IL1RAPL2: variants seen among roughly 807,000 people sequenced by gnomAD.
IL1RAPL2 encodes X-linked interleukin-1 receptor accessory protein-like 2.
Under a neutral mutation model 44.1 loss-of-function variants are expected in IL1RAPL2, and 3 were observed. That is an observed-to-expected ratio of 0.07 (90% confidence interval 0.03 to 0.18). The LOEUF (loss-of-function observed/expected upper bound fraction) is 0.18, where lower values mean the gene tolerates loss of function less well. Ranked by LOEUF, IL1RAPL2 falls within the 10% of genes least tolerant of loss-of-function variation. The pLI is 1.00. For missense variants in IL1RAPL2, 391 were observed against 496.4 expected, an observed-to-expected ratio of 0.79 and a Z score of 2.02; for synonymous variants, 181 against 178.8, an observed-to-expected ratio of 1.01 and a Z score of -0.10.
At chrX:105,560,183 T>C (rs191741838) in intron 6 of IL1RAPL2, among the ~76,000 whole-genome samples, 26 of 112,001 alleles carry the variant, frequency 2.3e-4, no homozygotes, top group Admixed American at 2.3e-3. Flanking sequence ...AGATCTTTAC[T>C]ACACCTTTAA....
intron 2 of IL1RAPL2, among the ~76,000 whole-genome samples, chrX:105,183,280 C>G (rs1337041835): frequency 9.0e-6 from 1 of 111,313 alleles, no homozygotes; most frequent in African/African-American, 3.3e-5. Context: ...TGGAGCAACT[C>G]CAAGCCAGTG....
At chrX:105,567,995 C>A (rs1427537839) in intron 6 of IL1RAPL2, among the ~76,000 whole-genome samples, 1 of 110,821 alleles carries the variant, frequency 9.0e-6, no homozygotes, top group Non-Finnish European at 1.9e-5. Flanking sequence ...ACAAAGGGTA[C>A]CTTCTGCCAC....
chrX:104,660,594 C>G (rs371627076), intron 2 of IL1RAPL2, among the ~76,000 whole-genome samples: 1 of 79,378 alleles, frequency 1.3e-5, no homozygotes, highest in Non-Finnish European at 2.5e-5. Context: ...TATATATATA[C>G]ACACAAATAT....
intron 2 of IL1RAPL2, among the ~76,000 whole-genome samples, chrX:105,031,797 T>G (rs2031503452): frequency 9.0e-6 from 1 of 110,759 alleles, no homozygotes; most frequent in Admixed American, 9.5e-5. Context: ...TTCAATTGAT[T>G]GGAATAGTTT....
At chrX:104,950,320 C>CCGTT (rs1291274464) in intron 2 of IL1RAPL2, among the ~76,000 whole-genome samples, 1 of 112,326 alleles carries the variant, frequency 8.9e-6, no homozygotes, top group East Asian at 2.8e-4. Flanking sequence ...GGCAGTCTGC[C>CCGTT]CGTTCTCAGA....
At chrX:105,454,859 A>G (rs1321575901) in intron 5 of IL1RAPL2, among the ~76,000 whole-genome samples, 3 of 97,429 alleles carry the variant, frequency 3.1e-5, no homozygotes, top group Non-Finnish European at 6.1e-5. Flanking sequence ...AGCAACCCCT[A>G]TCCCCAGCAA....
intron 5 of IL1RAPL2, among the ~76,000 whole-genome samples, chrX:105,320,835 T>G (rs1417438655): frequency 9.0e-6 from 1 of 111,703 alleles, no homozygotes; most frequent in Non-Finnish European, 1.9e-5. Context: ...AGGTGATCAG[T>G]TTGAACCAGG....
intron 2 of IL1RAPL2, among the ~76,000 whole-genome samples, chrX:105,066,135 A>G (rs1362416600): frequency 9.0e-6 from 1 of 110,775 alleles, no homozygotes; most frequent in African/African-American, 3.3e-5. Flanking sequence ...GTTTCAAAAC[A>G]CTTATACCAA....
intron 5 of IL1RAPL2, among the ~76,000 whole-genome samples, chrX:105,479,596 G>A (rs1017695941): frequency 4.6e-5 from 5 of 108,682 alleles, no homozygotes; most frequent in South Asian, 4.0e-4. Flanking sequence ...AAAATTAGCC[G>A]GGCGTGGTGG....
At chrX:105,175,216 A>G (rs17332253) in intron 2 of IL1RAPL2, among the ~76,000 whole-genome samples, 16,239 of 110,670 alleles carry the variant, frequency 0.15, 1,140 homozygotes, top group Non-Finnish European at 0.22. Context: ...CTTGACAAAA[A>G]CCCTGTAAGG....
chrX:104,915,652 G>A (rs1924399011), intron 2 of IL1RAPL2, among the ~76,000 whole-genome samples: 1 of 111,151 alleles, frequency 9.0e-6, no homozygotes, highest in Non-Finnish European at 1.9e-5. Flanking sequence ...CCATGCCTAT[G>A]TCCTGAATGG....
chrX:104,826,292 C>G (rs1251066752), intron 2 of IL1RAPL2, among the ~76,000 whole-genome samples: 1 of 111,436 alleles, frequency 9.0e-6, no homozygotes, highest in African/African-American at 3.3e-5. Flanking sequence ...AGCTATGTCC[C>G]AAAGATTCTG....
intron 6 of IL1RAPL2, among the ~76,000 whole-genome samples, chrX:105,669,601 A>G (rs1354254305): frequency 9.0e-6 from 1 of 111,719 alleles, no homozygotes; most frequent in Non-Finnish European, 1.9e-5. Flanking sequence ...TAATTCAGAA[A>G]GATCCCATAT....
chrX:104,780,712 A>G (rs1932766421), intron 2 of IL1RAPL2, among the ~76,000 whole-genome samples: 1 of 112,002 alleles, frequency 8.9e-6, no homozygotes, highest in African/African-American at 3.2e-5. Flanking sequence ...ATCTGCCATG[A>G]ATTTTATATT....
At chrX:104,917,666 T>C (rs1305501008) in intron 2 of IL1RAPL2, among the ~76,000 whole-genome samples, 2 of 111,982 alleles carry the variant, frequency 1.8e-5, no homozygotes, top group African/African-American at 6.5e-5. Flanking sequence ...AAATGCCTAA[T>C]TGCCCTTTGG....
chrX:104,880,743 G>A (rs1205427972), intron 2 of IL1RAPL2, among the ~76,000 whole-genome samples: 2 of 112,302 alleles, frequency 1.8e-5, no homozygotes, highest in African/African-American at 3.2e-5. Context: ...TCGAAGTAAT[G>A]CATTTTGATA....
chrX:105,429,235 A>C (rs1489402939), intron 5 of IL1RAPL2, among the ~76,000 whole-genome samples: 1 of 111,795 alleles, frequency 8.9e-6, no homozygotes, highest in Admixed American at 9.5e-5. Flanking sequence ...GTTCTTAATA[A>C]GTCATAGCTG....
At chrX:105,640,200 G>T (rs1490467636) in intron 6 of IL1RAPL2, among the ~76,000 whole-genome samples, 1 of 109,998 alleles carries the variant, frequency 9.1e-6, no homozygotes. Context: ...TTAGGTTTGT[G>T]TTGGGAATTT....
intron 3 of IL1RAPL2, among the ~76,000 whole-genome samples, chrX:105,211,738 T>C: frequency 9.1e-6 from 1 of 109,955 alleles, no homozygotes; most frequent in Non-Finnish European, 1.9e-5. Flanking sequence ...GCGAGAACAA[T>C]GAAGAAGGCA....
Sources: gnomAD v4.1 joint callset for allele counts (sites outside exome capture counted in the v4.1 genomes callset) on GRCh38, gnomAD v4.1.1 for gene constraint, MANE v1.5 for transcripts, NCBI Gene and HGNC (gene_info 2026-07-23, HGNC 2026-07-21) for gene names.